Variants in GTF2H5 observed in about 807,000 individuals in gnomAD.
The protein encoded by GTF2H5 is TFB5 ortholog.
In GTF2H5, 5 loss-of-function variants were observed where a neutral mutation model predicts 7.1. That is an observed-to-expected ratio of 0.71 (90% confidence interval 0.37 to 1.49). The LOEUF is 1.49. GTF2H5 is among the 40% of genes most tolerant of loss of function. The pLI is 0.03. For missense variants in GTF2H5, 80 were observed against 83.0 expected (o/e 0.96, Z 0.14); for synonymous variants, 30 against 31.7 (o/e 0.95, Z 0.18).
intron 2 of GTF2H5, among the ~76,000 whole-genome samples, chr6:158,177,878 T>C (rs1785954134): frequency 6.6e-6 from 1 of 152,202 alleles, no homozygotes; most frequent in Non-Finnish European, 1.5e-5. Context: ...GCTTCATCCA[T>C]GTCCCTACAA....
chr6:158,185,781 G>A (rs1356418716), intron 2 of GTF2H5, among the ~76,000 whole-genome samples: 1 of 152,070 alleles, frequency 6.6e-6, no homozygotes, highest in African/African-American at 2.4e-5. Flanking sequence ...GCCGAGGCGG[G>A]TGGGTTGCTT....
At chr6:158,183,178 G>C (rs1271298010) in intron 2 of GTF2H5, among the ~76,000 whole-genome samples, 1 of 152,190 alleles carries the variant, frequency 6.6e-6, no homozygotes, top group African/African-American at 2.4e-5. Context: ...GTCCACTCCA[G>C]ACCCTGTTTG....
At chr6:158,180,139 T>G (rs1205201510) in intron 2 of GTF2H5, among the ~76,000 whole-genome samples, 1 of 152,214 alleles carries the variant, frequency 6.6e-6, no homozygotes, top group Non-Finnish European at 1.5e-5. Flanking sequence ...AATCGTGGTT[T>G]TTGTCATTGG....
intron 1 of GTF2H5, among the ~76,000 whole-genome samples, chr6:158,168,695 G>A (rs1428266161): frequency 6.6e-6 from 1 of 152,238 alleles, no homozygotes; most frequent in Admixed American, 6.5e-5. Flanking sequence ...CGCACGGGAC[G>A]TGATTTATTT....
At chr6:158,189,772 C>G (rs949555619) in intron 2 of GTF2H5, among the ~76,000 whole-genome samples, 4 of 152,218 alleles carry the variant, frequency 2.6e-5, no homozygotes, top group African/African-American at 9.6e-5. Context: ...TCTTCACTGT[C>G]TCTAATTTCT....
chr6:158,169,377 A>G (rs186906841), intron 1 of GTF2H5, among the ~76,000 whole-genome samples: 2 of 94,990 alleles, frequency 2.1e-5, no homozygotes, highest in Non-Finnish European at 3.6e-5. Flanking sequence ...TAATATGTAT[A>G]TTATATATTA....
At chr6:158,169,416 T>TATAA (rs1562467917) in intron 1 of GTF2H5, among the ~76,000 whole-genome samples, 1 of 90,612 alleles carries the variant, frequency 1.1e-5, no homozygotes, top group African/African-American at 4.8e-5. Context: ...ATATTATATA[T>TATAA]TATATATAAT....
intron 2 of GTF2H5, among the ~76,000 whole-genome samples, chr6:158,183,653 C>G (rs536306705): frequency 1.3e-5 from 2 of 152,348 alleles, no homozygotes; most frequent in East Asian, 3.9e-4. Context: ...CCAAGTCAAT[C>G]TCAGACGCTG....
chr6:158,171,203 T>C (rs574910175), intron 2 of GTF2H5, among the ~76,000 whole-genome samples: 49 of 152,342 alleles, frequency 3.2e-4, no homozygotes, highest in African/African-American at 1.0e-3. Context: ...GCCACAGATA[T>C]AGTCTTACAT....
intron 2 of GTF2H5, among the ~76,000 whole-genome samples, chr6:158,191,229 C>T (rs1025756076): frequency 7.2e-5 from 11 of 152,114 alleles, no homozygotes; most frequent in African/African-American, 2.4e-4. Context: ...ATACACCCTG[C>T]CTGACCAAAG....
intron 2 of GTF2H5, among the ~76,000 whole-genome samples, chr6:158,182,383 GT>G (rs1786022709): frequency 6.6e-6 from 1 of 152,156 alleles, no homozygotes; most frequent in South Asian, 2.1e-4. Context: ...GAGTATCTTT[GT>G]GGTGTTCTCT....
At chr6:158,169,433 T>TATATA (rs1448443546) in intron 1 of GTF2H5, among the ~76,000 whole-genome samples, 27 of 63,360 alleles carry the variant, frequency 4.3e-4, no homozygotes, top group East Asian at 2.4e-3. Context: ...TAATATATTG[T>TATATA]ATATTATATA....
chr6:158,169,766 A>ATATATTATATAATATATTGTATATTT (rs1361858640), intron 1 of GTF2H5, among the ~76,000 whole-genome samples: 1 of 57,008 alleles, frequency 1.8e-5, no homozygotes, highest in Non-Finnish European at 3.3e-5. Context: ...ATTGTATATT[A>ATATATTATATAATATATTGTATATTT]TATATAATAT....
intron 2 of GTF2H5, among the ~76,000 whole-genome samples, chr6:158,187,326 A>C (rs1776946864): frequency 6.6e-6 from 1 of 151,966 alleles, no homozygotes; most frequent in African/African-American, 2.4e-5. Flanking sequence ...AAAAGGTGCC[A>C]GACTCCCCTG....
Position 158,175,047 on chromosome 6 carries a change from T to TACAC in GTF2H5, c.35+4521_35+4524dup, listed in dbSNP as rs1157220845. Among the ~76,000 whole-genome samples, 64 of 150,598 alleles carry TACAC rather than the reference T, an allele frequency of 4.2e-4. No homozygotes were observed. In the South Asian group the frequency reaches 0.013, roughly 30 times the overall value. ...GTGTGTGTGTGTGTGTGTGTGTGTATACACACACACACACATACACATATA... is the reference window on the plus strand; with the variant it reads ...GTGTGTGTGTGTGTGTGTGTGTGTATACACACACACACACACACATACACATATA... On this transcript the variant is annotated intron_variant, in intron 2 of 2. Coordinates refer to ENST00000607778, the MANE Select transcript of GTF2H5 (RefSeq NM_207118.3).
chr6:158,181,541 G>A (rs1428790019), intron 2 of GTF2H5, among the ~76,000 whole-genome samples: 5 of 152,130 alleles, frequency 3.3e-5, no homozygotes, highest in East Asian at 1.9e-4. Flanking sequence ...CTTGCTTTAC[G>A]AATCTGGGTC....
chr6:158,178,957 T>C (rs568323907), intron 2 of GTF2H5, among the ~76,000 whole-genome samples: 44 of 152,358 alleles, frequency 2.9e-4, no homozygotes, highest in African/African-American at 1.0e-3. Flanking sequence ...CAGGTTTTCT[T>C]CTAGGATTTT....
intron 2 of GTF2H5, among the ~76,000 whole-genome samples, chr6:158,179,475 C>T (rs1161288261): frequency 3.9e-5 from 6 of 152,114 alleles, no homozygotes; most frequent in South Asian, 2.1e-4. Flanking sequence ...TTCCTATCCA[C>T]GAGCATGGAA....
At chr6:158,191,812 A>G (rs551164696) in intron 2 of GTF2H5, among the ~76,000 whole-genome samples, 165 bp from the exon 3 acceptor site, 20 of 152,342 alleles carry the variant, frequency 1.3e-4, no homozygotes, top group African/African-American at 4.3e-4. Context: ...AAATGAAGCC[A>G]TGTCTATAAA....
Sources: gnomAD v4.1 joint callset for allele counts (sites outside exome capture counted in the v4.1 genomes callset) on GRCh38, gnomAD v4.1.1 for gene constraint, MANE v1.5 for transcripts, NCBI Gene and HGNC (gene_info 2026-07-23, HGNC 2026-07-21) for gene names.